The following DCTD variants were observed in gnomAD, a reference collection of about 807,000 sequenced individuals.
DCTD encodes the protein deoxycytidylate deaminase.
In DCTD, 23 loss-of-function variants were observed where a neutral mutation model predicts 21.0. The ratio of observed to expected loss-of-function variants is 1.09; its 90% CI spans 0.79 to 1.55. DCTD has a LOEUF of 1.55. DCTD is among the 40% of genes most tolerant of loss of function. DCTD has a pLI of 0.00. For missense variants in DCTD, 224 were observed against 230.0 expected, an observed-to-expected ratio of 0.97 and a Z score of 0.17; for synonymous variants, 71 against 81.1, an observed-to-expected ratio of 0.88 and a Z score of 0.67.
chr4:182,906,217 A>G (rs78371524), intron 3 of DCTD, among the ~76,000 whole-genome samples: 1,863 of 152,236 alleles, frequency 0.012, 32 homozygotes, highest in African/African-American at 0.042. Flanking sequence ...TGTATTTCTC[A>G]CAGCTCTGGA....
chr4:182,901,521 C>G (rs935878410), intron 3 of DCTD, among the ~76,000 whole-genome samples: 1 of 152,196 alleles, frequency 6.6e-6, no homozygotes, highest in Non-Finnish European at 1.5e-5. Context: ...GAAGGCCAGG[C>G]ATGGAGTGCC....
intron 3 of DCTD, 53 bp from the exon 4 acceptor site, chr4:182,894,658 T>C (rs1169553742): frequency 9.1e-7 from 1 of 1,096,268 alleles, no homozygotes; most frequent in East Asian, 2.3e-5. Context: ...TCATGAAGAA[T>C]TTACTAAGTG....
intron 3 of DCTD, among the ~76,000 whole-genome samples, chr4:182,907,583 G>A (rs568214564): frequency 1.3e-5 from 2 of 152,076 alleles, no homozygotes; most frequent in South Asian, 4.2e-4. Context: ...TTAGAACTGC[G>A]CCAGTCTTTA....
intron 3 of DCTD, among the ~76,000 whole-genome samples, chr4:182,900,912 AC>A (rs1735619415): frequency 2.0e-5 from 3 of 151,836 alleles, no homozygotes; most frequent in African/African-American, 7.3e-5. Flanking sequence ...AACTGCATTA[AC>A]CTTGGACCAT....
intron 1 of DCTD, chr4:182,915,976 T>C: frequency 4.4e-6 from 3 of 683,846 alleles, no homozygotes; most frequent in Non-Finnish European, 5.6e-6. Flanking sequence ...TTAAAGTTTA[T>C]ACACATCATG....
rs1738910738 is a variant in DCTD, at chr4:182,917,290, G to C, written c.-8+21C>G. 2 of 1,058,000 alleles carry C rather than the reference G, an allele frequency of 1.9e-6. No individual in the cohort carries two copies. The highest frequency in any genetic ancestry group is 1.1e-4 in the Admixed American group (2 of 18,204). 65.5% of individuals were successfully genotyped at this position (1,058,000 alleles called of 1,614,324 possible). A position where few individuals can be genotyped will look rare whatever the true frequency, so the allele number is the denominator to read the frequency against. ...CTAGGGGCGCGCGGGCCGCGTACCC[G>C]CACGGCTGGCCCCCGCCCACCATCC... On this transcript the variant is annotated intron_variant, in intron 1 of 5. Transcript: ENST00000438320. This position sits in a 1 kb window ranked among gnomAD's most constrained non-coding sequence, Gnocchi z 4.9.
rs1579655125 is a variant in DCTD at position 182,893,118 on chromosome 4, T to G, written c.371A>C (p.Glu124Ala). Residue 124 changes from glutamate to alanine, a missense_variant, in exon 5 of 6, where the codon GAA becomes GCA. Glu to Ala is a moderately radical substitution (Grantham distance 107). Coordinates refer to ENST00000438320, the MANE Select transcript of DCTD (RefSeq NM_001921.3). ...GTATTTATCAGACATGAAAATCACT[T>G]CTTTTATACCTGTAAGGTAACAATG... ...AKLIIQAGIK[E>A]VIFMSDKYHD... 1 of 1,600,372 alleles carries G rather than the reference T, an allele frequency of 6.2e-7. No individual in the cohort carries two copies. Among genetic ancestry groups the G allele is most frequent in the Non-Finnish European group, 8.6e-7 (1 of 1,168,898 alleles).
intron 3 of DCTD, among the ~76,000 whole-genome samples, chr4:182,894,918 G>A (rs1734469708): frequency 6.6e-6 from 1 of 152,242 alleles, no homozygotes; most frequent in South Asian, 2.1e-4. Flanking sequence ...ACCTGAGCTG[G>A]CTCATTGGTG....
chr4:182,893,155 A>C (rs753488020), intron 4 of DCTD, 28 bp from the exon 5 acceptor site: 2 of 1,340,688 alleles, frequency 1.5e-6, no homozygotes, highest in Non-Finnish European at 2.1e-6. Context: ...GAGCTCCCTT[A>C]GTGTACGCAC....
chr4:182,908,682 CAAAAAAAAAAA>C (rs34915632), intron 3 of DCTD, among the ~76,000 whole-genome samples: 1 of 63,740 alleles, frequency 1.6e-5, no homozygotes, highest in East Asian at 5.0e-4. Context: ...GACTCTGTCT[CAAAAAAAAAAA>C]AAAAAAAAAA....
At chr4:182,905,326 CTTTTTTTTTTT>C (rs70956544) in intron 3 of DCTD, among the ~76,000 whole-genome samples, 1 of 121,576 alleles carries the variant, frequency 8.2e-6, no homozygotes, top group Non-Finnish European at 1.7e-5. Flanking sequence ...AGCCCGCCTT[CTTTTTTTTTTT>C]TTTTTTTTTT....
At chr4:182,897,201 C>T (rs187455522) in intron 3 of DCTD, among the ~76,000 whole-genome samples, 2 of 151,990 alleles carry the variant, frequency 1.3e-5, no homozygotes, top group Non-Finnish European at 2.9e-5. Context: ...GTACAGAGGG[C>T]GATTTATAGA....
chr4:182,901,666 T>C (rs926761599), intron 3 of DCTD, among the ~76,000 whole-genome samples: 1 of 152,046 alleles, frequency 6.6e-6, no homozygotes, highest in African/African-American at 2.4e-5. Context: ...CATGGCCTTC[T>C]GGAATGAAAA....
chr4:182,908,703 A>AAAAG (rs1561339276), intron 3 of DCTD, among the ~76,000 whole-genome samples: 5 of 134,918 alleles, frequency 3.7e-5, no homozygotes, highest in African/African-American at 8.4e-5. Context: ...AAAAAAAAAA[A>AAAAG]AAGAAGAAGA....
chr4:182,908,871 C>T (rs1214268001), intron 3 of DCTD, among the ~76,000 whole-genome samples: 5 of 152,080 alleles, frequency 3.3e-5, no homozygotes, highest in Admixed American at 6.6e-5. Context: ...TGAGAGATTA[C>T]AGTACAAAGA....
At chr4:182,899,929 T>C (rs1735431328) in intron 3 of DCTD, among the ~76,000 whole-genome samples, 1 of 152,244 alleles carries the variant, frequency 6.6e-6, no homozygotes, top group South Asian at 2.1e-4. Flanking sequence ...GTTTGCATTA[T>C]ACTTACCAGG....
intron 3 of DCTD, among the ~76,000 whole-genome samples, chr4:182,910,556 C>T (rs1353787835): frequency 1.3e-5 from 2 of 152,150 alleles, no homozygotes; most frequent in African/African-American, 4.8e-5. Context: ...AAAATCTTCC[C>T]AAGTTTTTTA....
intron 3 of DCTD, among the ~76,000 whole-genome samples, chr4:182,904,943 G>T (rs1736406281): frequency 6.6e-6 from 1 of 152,168 alleles, no homozygotes; most frequent in African/African-American, 2.4e-5. Context: ...CACTCTCTCT[G>T]TCTTGGACTA....
intron 3 of DCTD, among the ~76,000 whole-genome samples, chr4:182,905,915 A>C (rs78425040): frequency 0.037 from 5,602 of 152,210 alleles, 113 homozygotes; most frequent in Non-Finnish European, 0.056. Context: ...ATGCCTGTCT[A>C]GCTACTGCAA....
Sources: allele counts gnomAD v4.1 joint callset (sites outside exome capture counted in the v4.1 genomes callset), GRCh38; gene constraint gnomAD v4.1.1; non-coding constraint Gnocchi (gnomAD v3.1); transcripts MANE v1.5; gene names NCBI Gene and HGNC (gene_info 2026-07-23, HGNC 2026-07-21).